The following MARK3 variants were observed in gnomAD, a reference collection of about 807,000 sequenced individuals.
MARK3 encodes MAP/microtubule affinity-regulating kinase 3.
In MARK3, 46 loss-of-function variants were observed where a neutral mutation model predicts 90.1. That is an observed-to-expected ratio of 0.51 (90% CI 0.40 to 0.65). The LOEUF (loss-of-function observed/expected upper bound fraction) is 0.65. Ranked by LOEUF, MARK3 falls within the 30% of genes least tolerant of loss-of-function variation. The pLI, the probability that MARK3 is intolerant of heterozygous loss-of-function variation, is 0.00. For missense variants in MARK3, 818 were observed against 947.2 expected (o/e 0.86, Z 1.79); for synonymous variants, 321 against 332.6 (o/e 0.97, Z 0.38).
chr14:103,386,081 G>C lies in MARK3; in HGVS notation c.51+1G>C. On this transcript the variant is annotated splice_donor_variant, in intron 1 of 17. Coordinates refer to ENST00000429436, the MANE Select transcript of MARK3 (RefSeq NM_001128918.3). LOFTEE classifies it high-confidence loss of function. ...GGTGAATGAACGAGACACTGAAAAC[G>C]TAAGTAACCTGGGCGTTGTAGTTGG... The C allele has an allele frequency of 6.2e-7, 1 of 1,614,168 alleles. No individual in the cohort carries two copies. The highest frequency in any genetic ancestry group is 8.5e-7 in the Non-Finnish European group (1 of 1,179,946).
At chr14:103,450,767 C>T (rs1340958182) in intron 4 of MARK3, among the ~76,000 whole-genome samples, 4 of 152,022 alleles carry the variant, frequency 2.6e-5, no homozygotes, top group Non-Finnish European at 5.9e-5. Flanking sequence ...AAAACACTAG[C>T]ATACCCCCCA....
Position 103,465,986 on chromosome 14 carries a change from A to G in MARK3, c.792A>G (p.Arg264=), listed in dbSNP as rs1280109872. ...CCTCTCCAAAGGAACTGAGAGAGAG[A>G]GTATTAAGAGGGAAATACAGAATTC... ...DGQNLKELRE[R]VLRGKYRIPF... is the part of the protein sequence containing the mutation. The change falls in exon 9 of 18, where the codon AGA becomes AGG. Residue 264 remains arginine, a synonymous_variant. Coordinates refer to ENST00000429436, the MANE Select transcript of MARK3 (RefSeq NM_001128918.3). The G allele has an allele frequency of 6.2e-7, 1 of 1,613,104 alleles. No individual in the cohort carries two copies. The highest frequency in any genetic ancestry group is 8.5e-7 in the Non-Finnish European group (1 of 1,179,650).
chr14:103,484,208 C>T (rs1303577472), intron 14 of MARK3, among the ~76,000 whole-genome samples: 4 of 148,056 alleles, frequency 2.7e-5, no homozygotes, highest in Non-Finnish European at 4.5e-5. Context: ...GATGGAGTCT[C>T]GCTCTTTTAC....
At chr14:103,459,039 G>T (rs953521367) in intron 6 of MARK3, among the ~76,000 whole-genome samples, 5 of 152,054 alleles carry the variant, frequency 3.3e-5, no homozygotes, top group African/African-American at 1.2e-4. Flanking sequence ...AGGAAATTCA[G>T]ATTTTTATTA....
At chr14:103,389,152 CAGG>C (rs2090031201) in intron 1 of MARK3, among the ~76,000 whole-genome samples, 1 of 151,846 alleles carries the variant, frequency 6.6e-6, no homozygotes, top group African/African-American at 2.4e-5. Flanking sequence ...ATCACGAGGT[CAGG>C]AGATCGAGAC....
intron 2 of MARK3, among the ~76,000 whole-genome samples, chr14:103,414,271 T>C (rs924075616): frequency 6.6e-6 from 1 of 151,448 alleles, no homozygotes; most frequent in African/African-American, 2.4e-5. Context: ...AATGGCTCAA[T>C]CTCAGCTCAC....
At chr14:103,421,405 T>C (rs2092216132) in intron 2 of MARK3, among the ~76,000 whole-genome samples, 1 of 152,106 alleles carries the variant, frequency 6.6e-6, no homozygotes, top group Non-Finnish European at 1.5e-5. Flanking sequence ...AGAAGAGGCT[T>C]AATTATGGAG....
At chr14:103,454,808 G>T (rs986224284) in intron 5 of MARK3, among the ~76,000 whole-genome samples, 1 of 152,190 alleles carries the variant, frequency 6.6e-6, no homozygotes, top group African/African-American at 2.4e-5. Context: ...TCTATGCCAA[G>T]GGGTCCATAG....
At chr14:103,452,833 C>T (rs2093186274) in intron 5 of MARK3, among the ~76,000 whole-genome samples, 1 of 152,208 alleles carries the variant, frequency 6.6e-6, no homozygotes, top group Non-Finnish European at 1.5e-5. Context: ...TTCATCCATG[C>T]TGTAGCATGT....
rs34768749 is a variant in MARK3, at chr14:103,479,628, C to CTTTTTTTTTTTTTTTTTTTTTTTTTTTTT, written c.1483-738_1483-737insTTTTTTTTTTTTTTTTTTTTTTTTTTTTT. 1.0e-4 allele frequency among the ~76,000 whole-genome samples: 8 copies of CTTTTTTTTTTTTTTTTTTTTTTTTTTTTT among 78,238 alleles called. 4 individuals carry two copies. Among genetic ancestry groups the CTTTTTTTTTTTTTTTTTTTTTTTTTTTTT allele is most frequent in the African/African-American group, 1.1e-4 (2 of 18,960 alleles). The allele number at this position is 78,238 out of a possible 152,430, so 51.3% of individuals were successfully genotyped here. A position where few individuals can be genotyped will look rare whatever the true frequency, so the allele number is the denominator to read the frequency against. On this transcript the variant is annotated intron_variant, in intron 13 of 17. Transcript: ENST00000429436. ...ATGTGTTTCTTGGCCATACGTATAG[C>CTTTTTTTTTTTTTTTTTTTTTTTTTTTTT]TTTTTTTTTTTTTTTTTTTTTGAGA...
chr14:103,499,962 A>AG, intron 16 of MARK3, 194 bp from the exon 17 acceptor site: 2 of 609,010 alleles, frequency 3.3e-6, no homozygotes, highest in East Asian at 5.8e-5. Context: ...ACACCCCTGC[A>AG]GCCTTGTGGA....
rs1234027853 is a variant in MARK3, at chr14:103,386,046, C to T, written c.17C>T (p.Pro6Leu). Reference sequence around the variant, plus strand: ...TGCAGTAAAATGTCCACTAGGACCCCATTGCCAACGGTGAATGAACGAGAC... The same window carrying T: ...TGCAGTAAAATGTCCACTAGGACCCTATTGCCAACGGTGAATGAACGAGAC... MSTRT[P>L]LPTVNERDTE... The change falls in exon 1 of 18, where the codon CCA becomes CTA. Residue 6 changes from proline to leucine, a missense_variant. Physicochemically the swap from Pro to Leu is moderately conservative, Grantham distance 98. Transcript: ENST00000429436. 1 of 1,614,154 alleles carries T rather than the reference C, an allele frequency of 6.2e-7. No homozygotes were observed. The highest frequency in any genetic ancestry group is 1.3e-5 in the African/African-American group (1 of 75,068).
intron 2 of MARK3, among the ~76,000 whole-genome samples, chr14:103,415,897 C>T (rs7148567): frequency 0.62 from 94,362 of 151,990 alleles, 30,376 homozygotes; most frequent in Middle Eastern, 0.75. Flanking sequence ...TCTGTTACTC[C>T]AATAGCTTTC....
chr14:103,395,364 CAT>C (rs2090515044), intron 1 of MARK3, among the ~76,000 whole-genome samples: 1 of 78,852 alleles, frequency 1.3e-5, no homozygotes, highest in South Asian at 4.0e-4. Flanking sequence ...AGAATAACAT[CAT>C]TCAAGTTGTG....
At chr14:103,390,453 A>G (rs1472902390) in intron 1 of MARK3, among the ~76,000 whole-genome samples, 1 of 64,462 alleles carries the variant, frequency 1.6e-5, no homozygotes, top group East Asian at 4.4e-4. Flanking sequence ...CTGTACATAG[A>G]GTATTTCTAA....
At chr14:103,394,220 G>A (rs2090442242) in intron 1 of MARK3, among the ~76,000 whole-genome samples, 1 of 152,146 alleles carries the variant, frequency 6.6e-6, no homozygotes, top group African/African-American at 2.4e-5. Context: ...AAATTCATTT[G>A]TCTCATATCC....
intron 3 of MARK3, among the ~76,000 whole-genome samples, chr14:103,445,907 C>T (rs186968806): frequency 8.3e-4 from 126 of 152,288 alleles, no homozygotes; most frequent in Non-Finnish European, 1.5e-3. Flanking sequence ...GCTATGTGGT[C>T]ATTAGAATGC....
chr14:103,459,657 G>T (rs145163865), intron 6 of MARK3, among the ~76,000 whole-genome samples: 1 of 146,618 alleles, frequency 6.8e-6, no homozygotes, highest in Non-Finnish European at 1.5e-5. Flanking sequence ...GCACCACCAC[G>T]CCCAGCTAAT....
At chr14:103,435,509 C>T (rs952936301) in intron 3 of MARK3, among the ~76,000 whole-genome samples, 22 of 151,874 alleles carry the variant, frequency 1.4e-4, no homozygotes, top group African/African-American at 4.8e-4. Flanking sequence ...CCTGGGTTCA[C>T]GCCATTCTCC....
Sources: allele counts gnomAD v4.1 joint callset (sites outside exome capture counted in the v4.1 genomes callset), GRCh38; gene constraint gnomAD v4.1.1; transcripts MANE v1.5; gene names NCBI Gene and HGNC (gene_info 2026-07-23, HGNC 2026-07-21).